PECAM1: variants seen among roughly 807,000 people sequenced by gnomAD.
The protein encoded by PECAM1 is platelet endothelial cell adhesion molecule.
PECAM1 carries 8 observed loss-of-function variants against 13.8 expected under a neutral mutation model. The ratio of observed to expected loss-of-function variants is 0.58; its 90% CI spans 0.34 to 1.05. The LOEUF (loss-of-function observed/expected upper bound fraction) is 1.05. Among genes scored for constraint, PECAM1 ranks in the 50% least tolerant of loss-of-function variants. The pLI is 0.03. For synonymous variants in PECAM1, 136 were observed against 52.6 expected (o/e 2.58, Z -6.86); for missense variants, 304 against 141.2 (o/e 2.15, Z -5.84).
chr17:64,350,665 A>T (rs1260234809), intron 11 of PECAM1, among the ~76,000 whole-genome samples: 2 of 137,634 alleles, frequency 1.5e-5, no homozygotes, highest in African/African-American at 2.7e-5. Context: ...TTTTTGAGGC[A>T]ATGTCTTGCT....
intron 14 of PECAM1, among the ~76,000 whole-genome samples, chr17:64,334,561 T>G: frequency 6.6e-6 from 1 of 151,846 alleles, no homozygotes; most frequent in East Asian, 1.9e-4. Flanking sequence ...CAGGCTGGAG[T>G]GCACTGGTGC....
intron 11 of PECAM1, among the ~76,000 whole-genome samples, chr17:64,352,020 G>A (rs1264230658): frequency 1.1e-4 from 16 of 152,258 alleles, no homozygotes; most frequent in African/African-American, 3.1e-4. Context: ...TCTTGTGCTT[G>A]TAATAATTCC....
chr17:64,342,008 G>A (rs1216102820), intron 13 of PECAM1, among the ~76,000 whole-genome samples: 8 of 152,100 alleles, frequency 5.3e-5, no homozygotes, highest in South Asian at 2.1e-4. Flanking sequence ...AAAATTAGCC[G>A]GGCATGGTGG....
chr17:64,342,040 A>T (rs934379058), intron 13 of PECAM1, among the ~76,000 whole-genome samples: 191 of 151,634 alleles, frequency 1.3e-3, no homozygotes, highest in African/African-American at 4.4e-3. Context: ...GATCCCAGTT[A>T]CTCGAGAGCT....
chr17:64,372,107 A>G (rs2036255963), intron 4 of PECAM1, among the ~76,000 whole-genome samples: 1 of 152,122 alleles, frequency 6.6e-6, no homozygotes, highest in African/African-American at 2.4e-5. Context: ...AAATAATAAA[A>G]CATTGAAATA....
At chr17:64,369,346 GA>G (rs1347794519) in intron 5 of PECAM1, among the ~76,000 whole-genome samples, 1 of 152,170 alleles carries the variant, frequency 6.6e-6, no homozygotes, top group Non-Finnish European at 1.5e-5. Context: ...AAATATAACA[GA>G]GTAATGAAAA....
chr17:64,358,357 G>C (rs1028037083), intron 7 of PECAM1, among the ~76,000 whole-genome samples: 1 of 152,038 alleles, frequency 6.6e-6, no homozygotes, highest in Non-Finnish European at 1.5e-5. Flanking sequence ...GGGCTCAAGT[G>C]ATCCACCCCA....
At chr17:64,356,001 T>C (rs2035837352) in intron 8 of PECAM1, 110 bp downstream of exon 8, 5 of 464,112 alleles carry the variant, frequency 1.1e-5, no homozygotes, top group Admixed American at 9.9e-5. Flanking sequence ...TCTCCTAGCC[T>C]TCAGTCACAT....
chr17:64,363,200 C>T lies in PECAM1; in HGVS notation c.1165G>A (p.Gly389Ser). 4.2e-6 allele frequency: 2 copies of T among 475,372 alleles called. No individual in the cohort carries two copies. The highest frequency in any genetic ancestry group is 6.3e-5 in the Admixed American group (2 of 31,740). The allele number at this position is 475,372 out of a possible 1,614,324, so 29.4% of individuals were successfully genotyped here. Residue 389 changes from glycine (G) to serine (S), a missense_variant, in exon 6 of 16, where the codon GGT (glycine) becomes AGT (serine). Physicochemically the swap from Gly to Ser is moderately conservative, Grantham distance 56. Coordinates refer to ENST00000563924, the MANE Select transcript of PECAM1 (RefSeq NM_000442.5). ...CTTTTCTTGACCACTTTGTCAATAC[C>T]TGCAGTGCAGATATACGTCCCACTG... ...SDSGTYICTA[G>S]IDKVVKKSNT...
intron 6 of PECAM1, among the ~76,000 whole-genome samples, chr17:64,362,690 T>TA (rs2036011629): frequency 6.7e-6 from 1 of 148,894 alleles, no homozygotes; most frequent in South Asian, 2.1e-4. Flanking sequence ...GTAATAAAAA[T>TA]AAAAATACAA....
chr17:64,320,402 AC>A lies in PECAM1; in HGVS notation c.*3413del, dbSNP rs1400109148. On this transcript the variant is annotated 3_prime_UTR_variant, in exon 16 of 16. Coordinates refer to ENST00000563924, the MANE Select transcript of PECAM1 (RefSeq NM_000442.5). ...TGCCCTGCTGCCATCCCTCCAGGGC[AC>A]CCCCCACTCCCTTGCCTCAGGGCCT... 1.3e-5 allele frequency: 2 copies of A among 151,900 alleles called. No individual in the cohort carries two copies. The highest frequency in any genetic ancestry group is 2.4e-5 in the African/African-American group (1 of 41,254). The allele number at this position is 151,900 out of a possible 1,614,324, so 9.4% of individuals were successfully genotyped here. A position where few individuals can be genotyped will look rare whatever the true frequency, so the allele number is the denominator to read the frequency against.
chr17:64,347,145 G>A (rs1304666319), intron 13 of PECAM1, among the ~76,000 whole-genome samples: 1 of 152,118 alleles, frequency 6.6e-6, no homozygotes, highest in East Asian at 1.9e-4. Context: ...AAAGTGGGCA[G>A]ATTGCTTGAG....
chr17:64,332,168 T>C (rs1421485090), intron 14 of PECAM1, among the ~76,000 whole-genome samples: 4 of 152,200 alleles, frequency 2.6e-5, no homozygotes, highest in African/African-American at 9.7e-5. Flanking sequence ...GGGCCCTTTT[T>C]CTGTCCTGGC....
chr17:64,331,706 G>A (rs1555646749), intron 14 of PECAM1, among the ~76,000 whole-genome samples: 2 of 152,372 alleles, frequency 1.3e-5, no homozygotes, highest in East Asian at 1.9e-4. Flanking sequence ...TTGCCCTTCT[G>A]GAAAGGACCA....
intron 12 of PECAM1, among the ~76,000 whole-genome samples, chr17:64,350,096 T>TC (rs1482995588): frequency 0.054 from 8,264 of 151,964 alleles, 755 homozygotes; most frequent in African/African-American, 0.19. Context: ...AAAAAAGAGG[T>TC]CCCACTGCCT....
At chr17:64,334,509 G>A (rs2035215776) in intron 14 of PECAM1, among the ~76,000 whole-genome samples, 1 of 151,838 alleles carries the variant, frequency 6.6e-6, no homozygotes, top group African/African-American at 2.4e-5. Context: ...CCCACACTGG[G>A]CCCCAATTTT....
chr17:64,368,577 C>T (rs2036164024), intron 5 of PECAM1, among the ~76,000 whole-genome samples: 1 of 152,082 alleles, frequency 6.6e-6, no homozygotes, highest in Admixed American at 6.6e-5. Context: ...TGGGCCAGCC[C>T]AGTGGCTCAT....
chr17:64,352,188 G>C (rs2035740047), intron 11 of PECAM1, among the ~76,000 whole-genome samples: 1 of 152,196 alleles, frequency 6.6e-6, no homozygotes, highest in Non-Finnish European at 1.5e-5. Context: ...AGGTGGCAAA[G>C]TTAGAATAAA....
intron 14 of PECAM1, among the ~76,000 whole-genome samples, chr17:64,335,791 G>C (rs2143707104): frequency 6.6e-6 from 1 of 152,312 alleles, no homozygotes; most frequent in East Asian, 1.9e-4. Flanking sequence ...AGCTTTAACT[G>C]TGACAGAGGA....
Sources: gnomAD v4.1 joint callset for allele counts (sites outside exome capture counted in the v4.1 genomes callset) on GRCh38, gnomAD v4.1.1 for gene constraint, MANE v1.5 for transcripts, NCBI Gene and HGNC (gene_info 2026-07-23, HGNC 2026-07-21) for gene names.